Variants in ANTXR2 observed in about 807,000 individuals in gnomAD.
The protein encoded by ANTXR2 is anthrax toxin receptor 2.
In ANTXR2, 44 loss-of-function variants were observed where a neutral mutation model predicts 73.7. That is an observed-to-expected ratio of 0.60 (90% confidence interval 0.47 to 0.77). The LOEUF (loss-of-function observed/expected upper bound fraction) is 0.77, where lower values mean the gene tolerates loss of function less well. Ranked by LOEUF, ANTXR2 falls within the 30% of genes least tolerant of loss-of-function variation. The probability of loss-of-function intolerance (pLI) is 0.00; values close to 1 mark genes in which losing one functional copy is unlikely to be tolerated. For missense variants in ANTXR2, 604 were observed against 592.5 expected, an observed-to-expected ratio of 1.02 and a Z score of -0.20; for synonymous variants, 217 against 205.9, an observed-to-expected ratio of 1.05 and a Z score of -0.46.
intron 16 of ANTXR2, among the ~76,000 whole-genome samples, chr4:79,936,241 A>G (rs1483768271): frequency 6.6e-6 from 1 of 152,224 alleles, no homozygotes; most frequent in African/African-American, 2.4e-5. Context: ...AATTAGTTGC[A>G]TTCTTATTTG....
At chr4:79,983,404 T>C (rs1003981838) in intron 14 of ANTXR2, among the ~76,000 whole-genome samples, 2 of 152,152 alleles carry the variant, frequency 1.3e-5, no homozygotes, top group African/African-American at 4.8e-5. Flanking sequence ...TCAATTACAA[T>C]AGTTCATAAG....
intron 11 of ANTXR2, among the ~76,000 whole-genome samples, chr4:80,012,660 C>G (rs892923910): frequency 6.6e-6 from 1 of 152,226 alleles, no homozygotes; most frequent in Non-Finnish European, 1.5e-5. Context: ...GGGAGACAGA[C>G]GTGGGTTCAA....
chr4:79,948,693 T>C (rs1390893766), intron 16 of ANTXR2, among the ~76,000 whole-genome samples: 1 of 152,148 alleles, frequency 6.6e-6, no homozygotes, highest in Non-Finnish European at 1.5e-5. Context: ...ATTTCCACTT[T>C]AGTAACTTAG....
At chr4:80,050,903 A>G (rs994702908) in intron 7 of ANTXR2, among the ~76,000 whole-genome samples, 4 of 151,718 alleles carry the variant, frequency 2.6e-5, no homozygotes, top group Admixed American at 2.0e-4. Flanking sequence ...CTTATTTATG[A>G]AATATGAGCG....
In ANTXR2 at chr4:79,936,036, T is replaced by TA. The variant is rs557265193; in HGVS notation, c.1429-28570dup. ...AAACTATGATTCCATTCCAAAGTTG[T>TA]AAAAAAATGGAATTAATTAGGATTT... On this transcript the variant is annotated intron_variant, in intron 16 of 16. Transcript: ENST00000403729. Among the ~76,000 whole-genome samples the TA allele has an allele frequency of 1.6e-4, 24 of 152,250 alleles. No homozygotes were observed. The East Asian group carries it at 3.7e-3, about 23-fold the overall frequency.
chr4:79,938,041 G>A (rs1268416835), intron 16 of ANTXR2, among the ~76,000 whole-genome samples: 4 of 42,068 alleles, frequency 9.5e-5, no homozygotes, highest in Admixed American at 5.4e-4. Flanking sequence ...GGCGCACCAC[G>A]AGACTATATC....
Position 79,964,790 on chromosome 4 carries a change from A to C in ANTXR2, c.1428+12831T>G, listed in dbSNP as rs192523801. ...GGAGGCCGCTGCCGCCGCTGCAAAC[A>C]GATGTCAGCGACAACCTGCTAGCTT... On this transcript the variant is annotated intron_variant, in intron 16 of 16. Transcript: ENST00000403729. 7 of 152,060 alleles carry C rather than the reference A, an allele frequency of 4.6e-5. No individual in the cohort carries two copies. The East Asian group carries it at 1.2e-3, about 25-fold the overall frequency. 9.4% of individuals were successfully genotyped at this position (152,060 alleles called of 1,614,324 possible).
At chr4:80,064,981 G>C (rs1168014060) in intron 3 of ANTXR2, among the ~76,000 whole-genome samples, 1 of 152,280 alleles carries the variant, frequency 6.6e-6, no homozygotes, top group East Asian at 1.9e-4. Flanking sequence ...CTTGTTAACT[G>C]TGTGTGCTTG....
At chr4:79,917,901 C>T (rs1425656151) in intron 16 of ANTXR2, among the ~76,000 whole-genome samples, 1 of 151,300 alleles carries the variant, frequency 6.6e-6, no homozygotes, top group East Asian at 1.9e-4. Context: ...TTAGATGTTG[C>T]AGTTAATAGA....
At chr4:80,024,750 C>T (rs1015970729) in intron 10 of ANTXR2, 93 of 428,930 alleles carry the variant, frequency 2.2e-4, no homozygotes, top group Non-Finnish European at 3.8e-4. Context: ...GACAGTGAGA[C>T]CCCACCTCAA....
At chr4:79,958,990 T>C (rs920643999) in intron 16 of ANTXR2, among the ~76,000 whole-genome samples, 2 of 152,032 alleles carry the variant, frequency 1.3e-5, no homozygotes, top group Admixed American at 6.6e-5. Flanking sequence ...ATTCCGATCA[T>C]TGAAAATTTT....
chr4:80,005,929 G>A (rs566447161), intron 12 of ANTXR2, among the ~76,000 whole-genome samples: 2 of 152,220 alleles, frequency 1.3e-5, no homozygotes, highest in East Asian at 3.9e-4. Context: ...TCCCCTATGG[G>A]TTCATGCCAA....
chr4:79,926,915 A>ATG (rs1254683336), intron 16 of ANTXR2, among the ~76,000 whole-genome samples: 35 of 105,428 alleles, frequency 3.3e-4, no homozygotes, highest in African/African-American at 1.1e-3. Context: ...GTGTGCATAT[A>ATG]TGTGTATATA....
At chr4:79,913,728 T>C (rs917715566) in intron 16 of ANTXR2, among the ~76,000 whole-genome samples, 4 of 152,148 alleles carry the variant, frequency 2.6e-5, no homozygotes, top group African/African-American at 9.7e-5. Flanking sequence ...TCTAGGTCAA[T>C]GGTTTTTTCA....
rs565277031 is a variant in ANTXR2, at chr4:80,007,057, G to A, written c.1041+1464C>T. ...AGGAAACTGATTAGTTCAGCAAAGA[G>A]ACAGGATGCGTCTTGTCTCTACTGT... On this transcript the variant is annotated intron_variant, in intron 12 of 16. Transcript: ENST00000403729. Among the ~76,000 whole-genome samples the A allele has an allele frequency of 7.2e-5, 11 of 152,154 alleles. No individual in the cohort carries two copies. The South Asian group carries it at 2.3e-3, about 32-fold the overall frequency.
chr4:79,983,417 G>C (rs1300230369), intron 14 of ANTXR2, among the ~76,000 whole-genome samples: 1 of 151,994 alleles, frequency 6.6e-6, no homozygotes, highest in Non-Finnish European at 1.5e-5. Flanking sequence ...TTCATAAGTG[G>C]CAACTAACAT....
chr4:79,986,828 G>A (rs1027798866), intron 12 of ANTXR2, among the ~76,000 whole-genome samples: 2 of 152,136 alleles, frequency 1.3e-5, no homozygotes, highest in African/African-American at 2.4e-5. Flanking sequence ...AAAGAACAAA[G>A]CCATATGCCC....
At chr4:80,048,605 G>A (rs905724010) in intron 7 of ANTXR2, among the ~76,000 whole-genome samples, 2 of 151,668 alleles carry the variant, frequency 1.3e-5, no homozygotes, top group Non-Finnish European at 3.0e-5. Context: ...AACATTCATA[G>A]CAGAGTGTGC....
intron 12 of ANTXR2, among the ~76,000 whole-genome samples, chr4:79,985,381 AAAAG>A (rs1386613597): frequency 2.0e-5 from 3 of 151,874 alleles, no homozygotes; most frequent in Non-Finnish European, 4.4e-5. Context: ...AGAAAGAAAA[AAAAG>A]AAAAAGGTAG....
Sources: allele counts gnomAD v4.1 joint callset (sites outside exome capture counted in the v4.1 genomes callset), GRCh38; gene constraint gnomAD v4.1.1; transcripts MANE v1.5; gene names NCBI Gene and HGNC (gene_info 2026-07-23, HGNC 2026-07-21).